The following MKRN1 variants were observed in gnomAD, a reference collection of about 807,000 sequenced individuals.
MKRN1 encodes the protein makorin ring finger protein 1.
In MKRN1, 9 loss-of-function variants were observed where a neutral mutation model predicts 55.5. The ratio of observed to expected loss-of-function variants is 0.16; its 90% CI spans 0.10 to 0.28. The LOEUF is 0.28. Ranked by LOEUF, MKRN1 falls within the 10% of genes least tolerant of loss-of-function variation. The pLI is 1.00. For synonymous variants in MKRN1, 253 were observed against 235.9 expected, an observed-to-expected ratio of 1.07 and a Z score of -0.66; for missense variants, 488 against 626.7, an observed-to-expected ratio of 0.78 and a Z score of 2.36.
intron 2 of MKRN1, among the ~76,000 whole-genome samples, chr7:140,469,150 C>T (rs1794849340): frequency 6.6e-6 from 1 of 151,884 alleles, no homozygotes; most frequent in South Asian, 2.1e-4. Context: ...CACAGTGAAA[C>T]CCCGTCTATA....
rs767699720 is a variant in MKRN1 at position 140,471,996 on chromosome 7, C to T, written c.201G>A (p.Gly67=). Residue 67 remains glycine, a synonymous_variant, in exon 2 of 8, where the codon GGG becomes GGA. Transcript: ENST00000255977. ...GACAGTTGTCTCCTTCCTTACAAAC[C>T]CCATGCATAAAATACCTGTGAGACG... is the stretch of plus-strand genomic sequence containing the variant. ...KQVTCRYFMH[G]VCKEGDNCRY... is the part of the protein sequence containing the mutation. 1 of 1,613,988 alleles carries T rather than the reference C, an allele frequency of 6.2e-7. No homozygotes were observed. The highest frequency in any genetic ancestry group is 1.3e-5 in the African/African-American group (1 of 74,918).
chr7:140,454,828 C>T (rs537047895), intron 7 of MKRN1, 99 bp from the exon 8 acceptor site: 40 of 1,263,820 alleles, frequency 3.2e-5, no homozygotes, highest in African/African-American at 4.5e-5. Flanking sequence ...GAGGGCATGA[C>T]GAACCAGACT....
rs573700676 is a variant in MKRN1, at chr7:140,459,511, T to C, written c.544+196A>G. On this transcript the variant is annotated intron_variant, in intron 3 of 7. Coordinates refer to ENST00000255977, the MANE Select transcript of MKRN1 (RefSeq NM_013446.4). ...CGAAAGGATTCAGTTTTTCAAAACA[T>C]TCTGAATTCATTTCACTGGGATTAA... Among the ~76,000 whole-genome samples, 6 of 152,354 alleles carry C rather than the reference T, an allele frequency of 3.9e-5. No homozygotes were observed. The East Asian group carries it at 9.6e-4, about 24-fold the overall frequency.
At chr7:140,460,656 G>T (rs1052643210) in intron 2 of MKRN1, among the ~76,000 whole-genome samples, 3 of 152,180 alleles carry the variant, frequency 2.0e-5, no homozygotes, top group African/African-American at 7.2e-5. Flanking sequence ...GCCTGTATTT[G>T]TGAGTGCAGA....
rs1476653127 is a variant in MKRN1 at position 140,455,197 on chromosome 7, C to A, written c.1134G>T (p.Gly378=). 6.2e-7 allele frequency: 1 copy of A among 1,614,040 alleles called. No homozygotes were observed. The highest frequency in any genetic ancestry group is 8.5e-7 in the Non-Finnish European group (1 of 1,180,022). Residue 378 remains glycine (G), a synonymous_variant, in exon 7 of 8, where the codon GGG becomes GGT. Transcript: ENST00000255977. ...AACAGTTCCCTCCAAATGGGCAGCT[C>A]CCACGTCCTTCATCAAAATACCTGC... ...KACRYFDEGR[G]SCPFGGNCFY... is the part of the protein sequence containing the mutation.
At chr7:140,455,983 C>T in intron 5 of MKRN1, 83 bp from the exon 6 acceptor site, 1 of 1,269,946 alleles carries the variant, frequency 7.9e-7, no homozygotes, top group South Asian at 1.2e-5. Context: ...GTGTCGCCTC[C>T]AGACTTAAAG....
chr7:140,473,340 G>A, intron 1 of MKRN1: 1 of 408,452 alleles, frequency 2.4e-6, no homozygotes, highest in South Asian at 1.8e-5. Flanking sequence ...ACACTGTGCA[G>A]TAAAAGACAA....
At chr7:140,458,715 T>C (rs1437769062) in intron 4 of MKRN1, among the ~76,000 whole-genome samples, 2 of 152,184 alleles carry the variant, frequency 1.3e-5, no homozygotes, top group South Asian at 2.1e-4. Context: ...TTTCTGGAAG[T>C]AGGACTTCTT....
intron 2 of MKRN1, among the ~76,000 whole-genome samples, chr7:140,462,672 T>TA (rs1794656658): frequency 6.6e-6 from 1 of 151,732 alleles, no homozygotes. Context: ...CTACTAAAAA[T>TA]AAAAAAATTA....
intron 4 of MKRN1, among the ~76,000 whole-genome samples, chr7:140,457,237 A>G (rs532070426): frequency 1.3e-5 from 2 of 152,260 alleles, no homozygotes; most frequent in Admixed American, 1.3e-4. Context: ...AACCTGTCGG[A>G]AAATAAGGGT....
chr7:140,455,676 A>G lies in MKRN1; in HGVS notation c.1097+114T>C, dbSNP rs1287336663. ...GGGTGACAAAATAAACTGTCCTGGGAAGTCAAAGAAGGGTAGGAAGGAGGT... is the reference window on the plus strand; with the variant it reads ...GGGTGACAAAATAAACTGTCCTGGGGAGTCAAAGAAGGGTAGGAAGGAGGT... On this transcript the variant is annotated intron_variant, in intron 6 of 7. Transcript: ENST00000255977. 16 of 779,682 alleles carry G rather than the reference A, an allele frequency of 2.1e-5. 1 individual carries two copies. The highest frequency in any genetic ancestry group is 1.9e-4 in the South Asian group (12 of 61,678). 48.3% of individuals were successfully genotyped at this position (779,682 alleles called of 1,614,324 possible).
intron 2 of MKRN1, among the ~76,000 whole-genome samples, chr7:140,469,504 T>TTCTG (rs1049593925): frequency 1.3e-4 from 20 of 152,230 alleles, no homozygotes; most frequent in Non-Finnish European, 7.3e-5. Context: ...AGTATATGAC[T>TTCTG]TCTGACACTA....
chr7:140,467,009 C>T (rs1794793892), intron 2 of MKRN1, among the ~76,000 whole-genome samples: 1 of 150,896 alleles, frequency 6.6e-6, no homozygotes, highest in South Asian at 2.1e-4. Flanking sequence ...CAGAGTTTCG[C>T]TCTTGTTGCC....
chr7:140,454,871 C>T, intron 7 of MKRN1, 142 bp from the exon 8 acceptor site: 1 of 1,044,316 alleles, frequency 9.6e-7, no homozygotes, highest in Non-Finnish European at 1.4e-6. Context: ...CCACTTCCTC[C>T]CCTCTGGTTA....
chr7:140,456,302 T>A (rs1421495433), intron 5 of MKRN1: 1 of 1,176,620 alleles, frequency 8.5e-7, no homozygotes, highest in Non-Finnish European at 1.1e-6. Context: ...GCTAGCTTAA[T>A]GAATGGAATA....
chr7:140,467,185 G>A (rs1794798502), intron 2 of MKRN1, among the ~76,000 whole-genome samples: 1 of 151,960 alleles, frequency 6.6e-6, no homozygotes. Flanking sequence ...CACAGGTCAG[G>A]CTGATATCAA....
rs1062767 is a variant in MKRN1 at position 140,456,753 on chromosome 7, A to G, written c.885T>C (p.Ser295=). 1.2e-6 allele frequency: 2 copies of G among 1,614,064 alleles called. No homozygotes were observed. The highest frequency in any genetic ancestry group is 1.7e-6 in the Non-Finnish European group (2 of 1,179,950). Residue 295 remains serine, a synonymous_variant, in exon 5 of 8, where the codon AGT becomes AGC. Transcript: ENST00000255977. ...MEVVYEKANP[S]ERRFGILSNC... ...TGGAGAGGATCCCGAAGCGGCGCTC[A>G]CTGGGGTTGGCTTTCTCATAGACCA... is the stretch of plus-strand genomic sequence containing the variant.
At chr7:140,476,283 G>A (rs1051415847) in intron 1 of MKRN1, among the ~76,000 whole-genome samples, 18 of 151,714 alleles carry the variant, frequency 1.2e-4, no homozygotes, top group South Asian at 2.1e-4. Flanking sequence ...CATTGCTGGC[G>A]TGCAATGTTT....
Position 140,468,678 on chromosome 7 carries a change from C to T in MKRN1, c.314+3205G>A, listed in dbSNP as rs189425176. On this transcript the variant is annotated intron_variant, in intron 2 of 7. Transcript: ENST00000255977. ...ATCATGCCACAGCACTCCAACCTGG[C>T]GACAGACTGAGACTCTGTCTCACAA... is the stretch of plus-strand genomic sequence containing the variant. Among the ~76,000 whole-genome samples the T allele has an allele frequency of 6.8e-5, 7 of 102,786 alleles. No homozygotes were observed. In the East Asian group the frequency reaches 1.2e-3, roughly 18 times the overall value. The allele number at this position is 102,786 out of a possible 152,430, so 67.4% of individuals were successfully genotyped here.
Sources: gnomAD v4.1 joint callset for allele counts (sites outside exome capture counted in the v4.1 genomes callset) on GRCh38, gnomAD v4.1.1 for gene constraint, MANE v1.5 for transcripts, NCBI Gene and HGNC (gene_info 2026-07-23, HGNC 2026-07-21) for gene names.